TMTC1: variants seen among roughly 807,000 people sequenced by gnomAD.
The protein encoded by TMTC1 is transmembrane O-mannosyltransferase targeting cadherins 1, also known as protein O-mannosyl-transferase TMTC1.
Under a neutral mutation model 104.8 loss-of-function variants are expected in TMTC1, and 73 were observed. That is an observed-to-expected ratio of 0.70 (90% CI 0.58 to 0.85). The LOEUF (loss-of-function observed/expected upper bound fraction) is 0.85, where lower values mean the gene tolerates loss of function less well. Among genes scored for constraint, TMTC1 ranks in the 40% least tolerant of loss-of-function variants. The pLI is 0.00. For synonymous variants in TMTC1, 434 were observed against 428.7 expected (o/e 1.01, Z -0.15); for missense variants, 1,035 against 1,096.1 (o/e 0.94, Z 0.79).
chr12:29,761,177 T>C (rs1027237289), intron 2 of TMTC1, among the ~76,000 whole-genome samples: 1 of 149,750 alleles, frequency 6.7e-6, no homozygotes, highest in Non-Finnish European at 1.5e-5. Context: ...CTATAAATTA[T>C]ATTATAGAAA....
chr12:29,596,354 C>G (rs1302868222), intron 7 of TMTC1, among the ~76,000 whole-genome samples: 1 of 152,148 alleles, frequency 6.6e-6, no homozygotes, highest in African/African-American at 2.4e-5. Context: ...GCCACAGATT[C>G]CCTTCCAATG....
chr12:29,582,464 G>T (rs1352211045), intron 8 of TMTC1, among the ~76,000 whole-genome samples: 1 of 152,140 alleles, frequency 6.6e-6, no homozygotes, highest in Admixed American at 6.5e-5. Context: ...CTTAAGTTCA[G>T]CCAAAAAGCT....
intron 8 of TMTC1, among the ~76,000 whole-genome samples, chr12:29,581,545 C>T (rs1366874282): frequency 2.0e-5 from 3 of 151,926 alleles, no homozygotes; most frequent in Non-Finnish European, 4.4e-5. Flanking sequence ...GATGCAAGGC[C>T]AATCAGCTAT....
intron 5 of TMTC1, among the ~76,000 whole-genome samples, chr12:29,750,241 G>A (rs1264972451): frequency 6.6e-6 from 1 of 151,938 alleles, no homozygotes; most frequent in Non-Finnish European, 1.5e-5. Flanking sequence ...GGAACCCTCT[G>A]CCAGATCCCT....
intron 5 of TMTC1, among the ~76,000 whole-genome samples, chr12:29,727,451 A>C (rs1036885306): frequency 4.6e-5 from 7 of 152,060 alleles, no homozygotes; most frequent in African/African-American, 1.4e-4. Context: ...ATCTTGGCTC[A>C]CTGCAAGCTC....
intron 5 of TMTC1, among the ~76,000 whole-genome samples, chr12:29,689,507 G>A (rs2081354167): frequency 1.3e-5 from 2 of 152,100 alleles, no homozygotes; most frequent in African/African-American, 4.8e-5. Flanking sequence ...AGAGATGGGG[G>A]TTTCACCATG....
chr12:29,553,160 G>A (rs1945150781), intron 10 of TMTC1, among the ~76,000 whole-genome samples: 1 of 152,180 alleles, frequency 6.6e-6, no homozygotes, highest in East Asian at 1.9e-4. Context: ...AGCTATTTGG[G>A]CACGTGGGTA....
intron 5 of TMTC1, among the ~76,000 whole-genome samples, chr12:29,637,732 A>G (rs565731597): frequency 6.6e-6 from 1 of 152,338 alleles, no homozygotes. Context: ...TGCCTCAGCA[A>G]AAACCTATCT....
At chr12:29,749,914 T>A (rs1460990638) in intron 5 of TMTC1, among the ~76,000 whole-genome samples, 1 of 152,088 alleles carries the variant, frequency 6.6e-6, no homozygotes, top group Non-Finnish European at 1.5e-5. Context: ...GCAGTTTCCA[T>A]GACTCTCAGC....
chr12:29,582,892 C>T (rs532334445), intron 8 of TMTC1, among the ~76,000 whole-genome samples: 24 of 152,278 alleles, frequency 1.6e-4, no homozygotes, highest in African/African-American at 5.1e-4. Flanking sequence ...GCCAGGGCTG[C>T]GGCATTTAGT....
rs536343532 is a variant in TMTC1, at chr12:29,569,373, G to A, written c.1532+2732C>T. Among the ~76,000 whole-genome samples, 8 of 152,296 alleles carry A rather than the reference G, an allele frequency of 5.3e-5. 1 individual carries two copies. In the South Asian group the frequency reaches 1.7e-3, roughly 32 times the overall value. On this transcript the variant is annotated intron_variant, in intron 9 of 17. Coordinates refer to ENST00000539277, the MANE Select transcript of TMTC1 (RefSeq NM_001193451.2). ...CACCATTGCCTTTGAGATCTATTCA[G>A]TCATTACAACAGTAATGGATAATTG... is the stretch of plus-strand genomic sequence containing the variant.
At chr12:29,608,507 T>A (rs1312280724) in intron 6 of TMTC1, among the ~76,000 whole-genome samples, 1 of 152,234 alleles carries the variant, frequency 6.6e-6, no homozygotes, top group Non-Finnish European at 1.5e-5. Context: ...GACATTTGAT[T>A]AACTGCAACT....
intron 8 of TMTC1, among the ~76,000 whole-genome samples, chr12:29,579,106 T>A (rs958600090): frequency 6.6e-6 from 1 of 152,144 alleles, no homozygotes; most frequent in Admixed American, 6.5e-5. Flanking sequence ...GTTGAGCAGA[T>A]GTTTCAGCCA....
At chr12:29,597,057 G>A (rs1946422672) in intron 7 of TMTC1, among the ~76,000 whole-genome samples, 1 of 152,076 alleles carries the variant, frequency 6.6e-6, no homozygotes, top group African/African-American at 2.4e-5. Context: ...TGTTTTCAGG[G>A]ACTGCTGCCT....
intron 10 of TMTC1, among the ~76,000 whole-genome samples, chr12:29,546,348 A>C (rs1424294972): frequency 6.6e-6 from 1 of 152,194 alleles, no homozygotes; most frequent in East Asian, 1.9e-4. Flanking sequence ...GGCAGACAAG[A>C]GGCAAGGCAT....
rs149004557 is a variant in TMTC1 at position 29,644,149 on chromosome 12, GTATATA to G, written c.939-10819_939-10814del. ...TGTGTGTGTGTGTGTGTGTGTGTGT[GTATATA>G]TATATATAATGAAATACTAAACAGC... On this transcript the variant is annotated intron_variant, in intron 5 of 17. Transcript: ENST00000539277. Among the ~76,000 whole-genome samples, 62 of 49,360 alleles carry G rather than the reference GTATATA, an allele frequency of 1.3e-3. 4 individuals carry two copies. The highest frequency in any genetic ancestry group is 2.9e-3 in the African/African-American group (39 of 13,670). The allele number at this position is 49,360 out of a possible 152,430, so 32.4% of individuals were successfully genotyped here.
At position 29,645,446 on chromosome 12, in the gene TMTC1, G is replaced by A. The variant is rs572674158; in HGVS notation, c.939-12110C>T. ...GAGAATTTTTGTTACCATGGATAAAGTATAAAGTGAATCTGAAATGTCATT... is the reference window on the plus strand; with the variant it reads ...GAGAATTTTTGTTACCATGGATAAAATATAAAGTGAATCTGAAATGTCATT... On this transcript the variant is annotated intron_variant, in intron 5 of 17. Transcript: ENST00000539277. 3.3e-5 allele frequency among the ~76,000 whole-genome samples: 5 copies of A among 152,258 alleles called. No individual in the cohort carries two copies. The South Asian group carries it at 8.3e-4, about 25-fold the overall frequency.
At chr12:29,507,869 T>A (rs2136125162) in intron 17 of TMTC1, among the ~76,000 whole-genome samples, 1 of 152,374 alleles carries the variant, frequency 6.6e-6, no homozygotes, top group South Asian at 2.1e-4. Context: ...AGAAAAAGTA[T>A]GAATTTGTTC....
chr12:29,610,368 T>C (rs756985931), intron 6 of TMTC1, among the ~76,000 whole-genome samples: 21 of 152,300 alleles, frequency 1.4e-4, no homozygotes, highest in Non-Finnish European at 1.3e-4. Context: ...ATTGAAATAA[T>C]AAAGACCAAC....
Sources: gnomAD v4.1 joint callset for allele counts (sites outside exome capture counted in the v4.1 genomes callset) on GRCh38, gnomAD v4.1.1 for gene constraint, MANE v1.5 for transcripts, NCBI Gene and HGNC (gene_info 2026-07-23, HGNC 2026-07-21) for gene names.